The following LINGO2 variants were observed in gnomAD, a reference collection of about 807,000 sequenced individuals.
The protein encoded by LINGO2 is leucine rich repeat and Ig domain containing 2, also known as leucine-rich repeat and immunoglobulin-like domain-containing nogo receptor-interacting protein 2.
Under a neutral mutation model 30.6 loss-of-function variants are expected in LINGO2, and 14 were observed. That is an observed-to-expected ratio of 0.46 (90% CI 0.30 to 0.72). The LOEUF (loss-of-function observed/expected upper bound fraction) is 0.72. Ranked by LOEUF, LINGO2 falls within the 30% of genes least tolerant of loss-of-function variation. LINGO2 has a pLI of 0.07. For synonymous variants in LINGO2, 317 were observed against 288.5 expected, an observed-to-expected ratio of 1.10 and a Z score of -1.00; for missense variants, 729 against 751.7, an observed-to-expected ratio of 0.97 and a Z score of 0.35.
intron 4 of LINGO2, among the ~76,000 whole-genome samples, chr9:28,176,129 C>G (rs13301710): frequency 0.052 from 7,934 of 152,208 alleles, 281 homozygotes; most frequent in Admixed American, 0.092. Flanking sequence ...ATACAATCTT[C>G]AAACCTACCT....
intron 1 of LINGO2, among the ~76,000 whole-genome samples, chr9:28,654,259 T>C (rs1281885042): frequency 6.6e-6 from 1 of 152,112 alleles, no homozygotes; most frequent in East Asian, 1.9e-4. Context: ...GCATGGGTCA[T>C]CCAAATCATT....
Position 28,241,142 on chromosome 9 carries a change from G to A in LINGO2, c.-87+54066C>T, listed in dbSNP as rs558342317. Reference sequence around the variant, plus strand: ...ACATTAGCTGGGTGTGATGGTGTGCGCCTGTAATCCCAGCTACTTGGGAGG... The same window carrying A: ...ACATTAGCTGGGTGTGATGGTGTGCACCTGTAATCCCAGCTACTTGGGAGG... On this transcript the variant is annotated intron_variant, in intron 4 of 5. Coordinates refer to ENST00000379992, the Ensembl canonical transcript of LINGO2. 9.9e-5 allele frequency among the ~76,000 whole-genome samples: 15 copies of A among 151,704 alleles called. No individual in the cohort carries two copies. The East Asian group carries it at 2.1e-3, about 22-fold the overall frequency.
rs149264167 is a variant in LINGO2, at chr9:28,233,128, G to A, written c.-87+62080C>T. Among the ~76,000 whole-genome samples the A allele has an allele frequency of 1.6e-3, 240 of 147,070 alleles. 2 individuals are homozygous for A. The highest frequency in any genetic ancestry group is 2.6e-3 in the Non-Finnish European group (173 of 67,300). On this transcript the variant is annotated intron_variant, in intron 4 of 5. Coordinates refer to ENST00000379992, the Ensembl canonical transcript of LINGO2. ...TGTGTGGGGGGGTCTATGTGTGTGT[G>A]TATGTGTGGTCTGTGTGTGTGTGTG...
intron 3 of LINGO2, among the ~76,000 whole-genome samples, chr9:28,350,731 T>C (rs950798704): frequency 2.0e-5 from 3 of 151,400 alleles, no homozygotes; most frequent in Admixed American, 6.6e-5. Context: ...TATTCCAAAA[T>C]TGACCACATA....
At chr9:28,001,228 T>C (rs916650599) in intron 5 of LINGO2, among the ~76,000 whole-genome samples, 2 of 152,210 alleles carry the variant, frequency 1.3e-5, no homozygotes, top group African/African-American at 4.8e-5. Context: ...GCTGTTCTGA[T>C]TGAAGCAGCC....
chr9:28,993,460 C>T, the LINGO2 span, among the ~76,000 whole-genome samples: 6 of 152,152 alleles, frequency 3.9e-5, no homozygotes, highest in Non-Finnish European at 7.3e-5. Flanking sequence ...GGTAACATTC[C>T]TTCTGAAACT....
At chr9:28,957,160 A>G in the LINGO2 span, among the ~76,000 whole-genome samples, 2 of 152,136 alleles carry the variant, frequency 1.3e-5, no homozygotes, top group African/African-American at 4.8e-5. Flanking sequence ...CTCTTTGGAT[A>G]TCATCAGCAT....
chr9:29,080,214 T>C, the LINGO2 span, among the ~76,000 whole-genome samples: 2 of 152,154 alleles, frequency 1.3e-5, no homozygotes, highest in South Asian at 2.1e-4. Context: ...TCTTCTAGAT[T>C]ATCTAGTTTA....
chr9:28,052,598 G>A (rs1041764675), intron 4 of LINGO2, among the ~76,000 whole-genome samples: 7 of 152,032 alleles, frequency 4.6e-5, no homozygotes, highest in East Asian at 1.9e-4. Context: ...TTCATGGTAC[G>A]CATCTCTCAT....
chr9:29,041,239 A>G, the LINGO2 span, among the ~76,000 whole-genome samples: 1 of 152,064 alleles, frequency 6.6e-6, no homozygotes, highest in Non-Finnish European at 1.5e-5. Context: ...GACTCAACAT[A>G]GAACCTATCA....
chr9:28,177,845 T>C (rs955601010), intron 4 of LINGO2, among the ~76,000 whole-genome samples: 1 of 152,166 alleles, frequency 6.6e-6, no homozygotes, highest in Non-Finnish European at 1.5e-5. Context: ...TAGTGGATGA[T>C]TTAGAGGTCT....
intron 1 of LINGO2, among the ~76,000 whole-genome samples, chr9:28,509,582 G>A (rs1037984733): frequency 6.6e-6 from 1 of 152,174 alleles, no homozygotes; most frequent in Non-Finnish European, 1.5e-5. Context: ...CTCCCAATGT[G>A]ACTATATTGA....
At chr9:29,020,972 G>A in the LINGO2 span, among the ~76,000 whole-genome samples, 1 of 152,102 alleles carries the variant, frequency 6.6e-6, no homozygotes, top group Non-Finnish European at 1.5e-5. Context: ...AAAAGTCAAA[G>A]AAGAGATAAG....
chr9:28,451,822 A>T (rs953009990), intron 2 of LINGO2, among the ~76,000 whole-genome samples: 2 of 151,724 alleles, frequency 1.3e-5, no homozygotes, highest in African/African-American at 2.4e-5. Flanking sequence ...AATATAGTTG[A>T]AATAATTGTA....
At chr9:28,863,243 G>A in the LINGO2 span, among the ~76,000 whole-genome samples, 26 of 152,020 alleles carry the variant, frequency 1.7e-4, no homozygotes, top group African/African-American at 6.3e-4. Context: ...TATTAATTGG[G>A]CATAATAATC....
chr9:28,654,976 G>A (rs2135987242), intron 1 of LINGO2, among the ~76,000 whole-genome samples: 1 of 152,160 alleles, frequency 6.6e-6, no homozygotes, highest in East Asian at 1.9e-4. Flanking sequence ...AATGGTGATG[G>A]AATTTACTGA....
the LINGO2 span, among the ~76,000 whole-genome samples, chr9:28,688,210 T>G: frequency 2.0e-5 from 3 of 152,148 alleles, no homozygotes; most frequent in Non-Finnish European, 2.9e-5. Context: ...AATGACCCCA[T>G]TAAACTCCTT....
chr9:28,506,409 TATATATATATATACACAC>T lies in LINGO2; in HGVS notation c.-364-30402_-364-30385del, dbSNP rs1174886520. Among the ~76,000 whole-genome samples the T allele has an allele frequency of 3.8e-3, 280 of 74,178 alleles. 5 individuals are homozygous for T. In the East Asian group the frequency reaches 0.039, roughly 10 times the overall value. The allele number at this position is 74,178 out of a possible 152,430, so 48.7% of individuals were successfully genotyped here. On this transcript the variant is annotated intron_variant, in intron 1 of 5. Transcript: ENST00000379992. The stretch of plus-strand genomic sequence containing the variant: ...TGAGGGCTTCTTAGACATATATATA[TATATATATATATACACAC>T]ACACACACACACACACACACACACA...
At chr9:27,997,256 A>C (rs1399267011) in intron 5 of LINGO2, among the ~76,000 whole-genome samples, 2 of 152,200 alleles carry the variant, frequency 1.3e-5, no homozygotes, top group African/African-American at 4.8e-5. Flanking sequence ...GCAGATGTGA[A>C]AGACTTAAGA....
Sources: allele counts gnomAD v4.1 joint callset (sites outside exome capture counted in the v4.1 genomes callset), GRCh38; gene constraint gnomAD v4.1.1; transcripts MANE v1.5; gene names NCBI Gene and HGNC (gene_info 2026-07-23, HGNC 2026-07-21).